Variants in FGF12 observed in about 807,000 individuals in gnomAD.
FGF12 encodes fibroblast growth factor 12.
A neutral mutation model predicts 23.6 loss-of-function variants in FGF12; 14 were observed. The observed-to-expected ratio is 0.59, with a 90% confidence interval of 0.39 to 0.93. The LOEUF (loss-of-function observed/expected upper bound fraction) is 0.93. Ranked by LOEUF, FGF12 falls within the 40% of genes least tolerant of loss-of-function variation. The probability of loss-of-function intolerance (pLI) is 0.00; values close to 1 mark genes in which losing one functional copy is unlikely to be tolerated. For synonymous variants in FGF12, 62 were observed against 77.3 expected (o/e 0.80, Z 1.04); for missense variants, 175 against 217.8 (o/e 0.80, Z 1.24).
rs192942924 is a variant in FGF12, at chr3:192,486,743, T to A, written c.14-126205A>T. On this transcript the variant is annotated intron_variant, in intron 2 of 5. Coordinates refer to ENST00000445105, the MANE Select transcript of FGF12 (RefSeq NM_004113.6). ...GTACAAGCAGTAGACAAACATGATA[T>A]AATTTATATTTTGAGAACATCAGGC... Among the ~76,000 whole-genome samples the A allele has an allele frequency of 2.6e-5, 4 of 152,086 alleles. No homozygotes were observed. In the East Asian group the frequency reaches 5.8e-4, roughly 22 times the overall value.
chr3:192,522,295 C>T (rs182535072), intron 2 of FGF12, among the ~76,000 whole-genome samples: 4 of 151,802 alleles, frequency 2.6e-5, no homozygotes, highest in East Asian at 3.9e-4. Context: ...AAAACAATAG[C>T]TCAGAAAGAA....
At chr3:192,319,594 C>CAAATAAATAAAT (rs556846919) in intron 4 of FGF12, among the ~76,000 whole-genome samples, 10 of 151,350 alleles carry the variant, frequency 6.6e-5, no homozygotes, top group African/African-American at 2.4e-4. Flanking sequence ...AAGACTGTCT[C>CAAATAAATAAAT]AAATAAATAA....
intron 2 of FGF12, among the ~76,000 whole-genome samples, chr3:192,595,640 C>T (rs1284401041): frequency 1.3e-5 from 2 of 152,174 alleles, no homozygotes; most frequent in Non-Finnish European, 2.9e-5. Flanking sequence ...AACAATTTCT[C>T]AGATGATGCT....
At chr3:192,638,981 A>T (rs551283634) in intron 2 of FGF12, among the ~76,000 whole-genome samples, 2 of 152,362 alleles carry the variant, frequency 1.3e-5, no homozygotes, top group East Asian at 3.9e-4. Context: ...CTTTTGCACT[A>T]CAAAGGAAAC....
chr3:192,240,240 C>T (rs888646985), intron 4 of FGF12, among the ~76,000 whole-genome samples: 32 of 152,200 alleles, frequency 2.1e-4, no homozygotes, highest in African/African-American at 7.2e-4. Context: ...ATCTAATTAC[C>T]ATATACTGGA....
At chr3:192,329,304 G>T (rs758520995) in intron 4 of FGF12, among the ~76,000 whole-genome samples, 1 of 152,128 alleles carries the variant, frequency 6.6e-6, no homozygotes, top group Non-Finnish European at 1.5e-5. Context: ...GGAAAATTAT[G>T]AATTACATAG....
rs779234025 is a variant in FGF12, at chr3:192,408,111, C to T, written c.14-47573G>A. On this transcript the variant is annotated intron_variant, in intron 2 of 5. Coordinates refer to ENST00000445105, the MANE Select transcript of FGF12 (RefSeq NM_004113.6). This position sits in a 1 kb window ranked among gnomAD's most constrained non-coding sequence, Gnocchi z 7.3. ...GAGGACGTGCCTCTCGCACAGGGAG[C>T]GCCCGTCTTTGCTGGGGCTGGAGCG... 3.7e-6 allele frequency: 6 copies of T among 1,612,982 alleles called. No homozygotes were observed. Among genetic ancestry groups the T allele is most frequent in the African/African-American group, 1.3e-5 (1 of 74,940 alleles).
intron 4 of FGF12, among the ~76,000 whole-genome samples, chr3:192,200,594 C>T (rs181648242): frequency 5.5e-4 from 83 of 152,258 alleles, no homozygotes; most frequent in African/African-American, 1.5e-3. Flanking sequence ...CACATGCCAG[C>T]GATTATCAAA....
intron 4 of FGF12, among the ~76,000 whole-genome samples, chr3:192,233,819 G>A (rs1365177337): frequency 1.3e-5 from 2 of 152,076 alleles, no homozygotes; most frequent in African/African-American, 2.4e-5. Context: ...CCCATTGATT[G>A]TTAATGGGCA....
intron 4 of FGF12, among the ~76,000 whole-genome samples, chr3:192,330,664 C>T (rs959831426): frequency 6.6e-6 from 1 of 152,048 alleles, no homozygotes; most frequent in Non-Finnish European, 1.5e-5. Context: ...GATCACACCA[C>T]TGCACTCCAG....
At chr3:192,401,848 T>C (rs74961615) in intron 2 of FGF12, among the ~76,000 whole-genome samples, 5,914 of 152,290 alleles carry the variant, frequency 0.039, 378 homozygotes, top group African/African-American at 0.13. Flanking sequence ...TCAATCTTCA[T>C]GCAAGTTGTT....
chr3:192,283,490 A>C (rs1378934466), intron 4 of FGF12, among the ~76,000 whole-genome samples: 14 of 152,182 alleles, frequency 9.2e-5, no homozygotes, highest in Admixed American at 9.2e-4. Flanking sequence ...AATAATTTCC[A>C]CACACATATA....
At chr3:192,672,945 A>T (rs1717182329) in intron 2 of FGF12, 1 of 151,062 alleles carries the variant, frequency 6.6e-6, no homozygotes, top group African/African-American at 2.4e-5. Flanking sequence ...ATAAAGTCCA[A>T]TCCAAAAGGC....
chr3:192,513,995 T>C (rs1184550707), intron 2 of FGF12, among the ~76,000 whole-genome samples: 1 of 152,232 alleles, frequency 6.6e-6, no homozygotes, highest in Non-Finnish European at 1.5e-5. Flanking sequence ...GATATTAGTT[T>C]GGTGGGGTTT....
At chr3:192,670,789 G>A (rs1034939510) in intron 2 of FGF12, among the ~76,000 whole-genome samples, 1 of 152,138 alleles carries the variant, frequency 6.6e-6, no homozygotes, top group African/African-American at 2.4e-5. Flanking sequence ...TGTTATCATA[G>A]ACATATATAC....
intron 2 of FGF12, among the ~76,000 whole-genome samples, chr3:192,638,635 C>T (rs1715673512): frequency 6.6e-6 from 1 of 152,210 alleles, no homozygotes; most frequent in South Asian, 2.1e-4. Flanking sequence ...TTGAATAATA[C>T]ATTTTATCCA....
chr3:192,507,183 T>A, intron 2 of FGF12, among the ~76,000 whole-genome samples: 1 of 152,136 alleles, frequency 6.6e-6, no homozygotes, highest in East Asian at 1.9e-4. Flanking sequence ...TGAGCCACTG[T>A]GCCCGGCCAT....
chr3:192,559,323 G>A (rs890200579), intron 2 of FGF12, among the ~76,000 whole-genome samples: 13 of 151,860 alleles, frequency 8.6e-5, no homozygotes, highest in African/African-American at 2.9e-4. Context: ...TTTCTCCAAA[G>A]AAGACATATA....
intron 4 of FGF12, among the ~76,000 whole-genome samples, chr3:192,301,708 C>T (rs1234012746): frequency 6.6e-6 from 1 of 152,006 alleles, no homozygotes; most frequent in Non-Finnish European, 1.5e-5. Context: ...AAGGGAGGAG[C>T]ATGTAGAAAA....
Sources: allele counts gnomAD v4.1 joint callset (sites outside exome capture counted in the v4.1 genomes callset), GRCh38; gene constraint gnomAD v4.1.1; non-coding constraint Gnocchi (gnomAD v3.1); transcripts MANE v1.5; gene names NCBI Gene and HGNC (gene_info 2026-07-23, HGNC 2026-07-21).